HYKK: variants seen among roughly 807,000 people sequenced by gnomAD.
HYKK encodes the protein 5-hydroxy-L-lysine kinase.
A neutral mutation model predicts 29.7 loss-of-function variants in HYKK; 19 were observed. The ratio of observed to expected loss-of-function variants is 0.64; its 90% CI spans 0.45 to 0.94. The LOEUF is 0.94. HYKK is among the 40% of genes least tolerant of loss of function. HYKK has a pLI of 0.00. For synonymous variants in HYKK, 152 were observed against 158.1 expected (o/e 0.96, Z 0.29); for missense variants, 390 against 443.4 (o/e 0.88, Z 1.08).
At chr15:78,530,673 A>G (rs2141364469) in intron 4 of HYKK, among the ~76,000 whole-genome samples, 1 of 150,846 alleles carries the variant, frequency 6.6e-6, no homozygotes, top group Middle Eastern at 3.4e-3. Context: ...ATTTTTTTTT[A>G]TAGCTGGGGC....
rs139309068 is a variant in HYKK, at chr15:78,516,195, C to T, written c.477+1088C>T. ...AACATCTTCATTTATTCAATATTGA[C>T]TGAGTACCTTTTATGTTATTTAAAA... is the stretch of plus-strand genomic sequence containing the variant. On this transcript the variant is annotated intron_variant, in intron 3 of 4. Coordinates refer to ENST00000388988, the MANE Select transcript of HYKK (RefSeq NM_001013619.4). 6.2e-3 allele frequency among the ~76,000 whole-genome samples: 940 copies of T among 151,944 alleles called. 10 individuals carry two copies. The highest frequency in any genetic ancestry group is 0.022 in the African/African-American group (903 of 41,402).
Position 78,513,378 on chromosome 15 carries a change from CTG to C in HYKK, c.296_297del (p.Cys99SerfsTer3). On this transcript the variant is annotated frameshift_variant, in exon 2 of 5. Transcript: ENST00000388988. LOFTEE classifies it high-confidence loss of function. The stretch of plus-strand genomic sequence containing the variant: ...AAAGCCGCTGGATTTCCAACAGCCT[CTG>C]TGTGTCACACTAAAGGAGACAACAC... 6.2e-7 allele frequency: 1 copy of C among 1,614,176 alleles called. No homozygotes were observed. The highest frequency in any genetic ancestry group is 8.5e-7 in the Non-Finnish European group (1 of 1,180,038).
At position 78,533,480 on chromosome 15, in the gene HYKK, G is replaced by A. The variant is rs745500631; in HGVS notation, c.932G>A (p.Ser311Asn). 8 of 1,614,204 alleles carry A rather than the reference G, an allele frequency of 5.0e-6. No individual in the cohort carries two copies. Among genetic ancestry groups the A allele is most frequent in the African/African-American group, 1.3e-5 (1 of 75,056 alleles). The stretch of plus-strand genomic sequence containing the variant: ...GGTGCTTTGTTTTTACTTGTATGCA[G>A]TCGTTTTTGTCAGTCACTTGTCATG... ...EKGALFLLVC[S>N]RFCQSLVMAA... Residue 311 changes from serine (S) to asparagine (N), a missense_variant, in exon 5 of 5, where the codon AGT becomes AAT. Coordinates refer to ENST00000388988, the MANE Select transcript of HYKK (RefSeq NM_001013619.4).
chr15:78,514,614 G>C (rs537613585), intron 2 of HYKK, among the ~76,000 whole-genome samples: 150 of 152,258 alleles, frequency 9.9e-4, no homozygotes, highest in African/African-American at 3.4e-3. Context: ...GAAAGAGTAT[G>C]TGTTTTTGCT....
At chr15:78,513,947 A>G (rs1379762770) in intron 2 of HYKK, among the ~76,000 whole-genome samples, 2 of 151,916 alleles carry the variant, frequency 1.3e-5, no homozygotes, top group African/African-American at 4.8e-5. Flanking sequence ...ATGCATCACC[A>G]CGCCCAGCTA....
chr15:78,519,886 C>T (rs1255774619), intron 3 of HYKK, among the ~76,000 whole-genome samples: 5 of 152,220 alleles, frequency 3.3e-5, no homozygotes, highest in Non-Finnish European at 7.4e-5. Flanking sequence ...TAATAGTTTT[C>T]CTTTACCAGT....
rs761952165 is a variant in HYKK, at chr15:78,533,770, A to G, written c.*100A>G. On this transcript the variant is annotated 3_prime_UTR_variant, in exon 5 of 5. Coordinates refer to ENST00000388988, the MANE Select transcript of HYKK (RefSeq NM_001013619.4). ...GATTTTCCTGCATAGTTAAAAATCAACTGATGGAATGGATCAATTCTGAAT... is the reference window on the plus strand; with the variant it reads ...GATTTTCCTGCATAGTTAAAAATCAGCTGATGGAATGGATCAATTCTGAAT... 64 of 787,614 alleles carry G rather than the reference A, an allele frequency of 8.1e-5. No homozygotes were observed. In the African/African-American group the frequency reaches 9.2e-4, roughly 11 times the overall value. The allele number at this position is 787,614 out of a possible 1,614,324, so 48.8% of individuals were successfully genotyped here. A position where few individuals can be genotyped will look rare whatever the true frequency, so the allele number is the denominator to read the frequency against.
At chr15:78,507,902 G>A (rs774745329) in intron 1 of HYKK, among the ~76,000 whole-genome samples, 96 of 152,326 alleles carry the variant, frequency 6.3e-4, no homozygotes, top group Non-Finnish European at 1.3e-3. Context: ...CAGAATGAAA[G>A]CGTGGCACCC....
intron 1 of HYKK, among the ~76,000 whole-genome samples, chr15:78,509,653 G>A (rs776593252): frequency 6.6e-6 from 1 of 152,116 alleles, no homozygotes; most frequent in Non-Finnish European, 1.5e-5. Context: ...AGTCCATATT[G>A]CATTTTGAAT....
intron 4 of HYKK, among the ~76,000 whole-genome samples, chr15:78,529,995 C>T (rs1211213556): frequency 6.6e-6 from 1 of 151,550 alleles, no homozygotes. Context: ...CACCATCATG[C>T]CTGGTGAATA....
At chr15:78,517,031 A>AG (rs1217908821) in intron 3 of HYKK, among the ~76,000 whole-genome samples, 1 of 151,952 alleles carries the variant, frequency 6.6e-6, no homozygotes, top group African/African-American at 2.4e-5. Context: ...AAAAAAAGAA[A>AG]AAAGAAAGAA....
At chr15:78,512,434 C>T (rs2141352947) in intron 1 of HYKK, among the ~76,000 whole-genome samples, 1 of 138,826 alleles carries the variant, frequency 7.2e-6, no homozygotes, top group East Asian at 2.1e-4. Context: ...TGGAGTCTCG[C>T]CCTGTTGCCC....
chr15:78,513,423 TA>T lies in HYKK; in HGVS notation c.336del (p.Asp113IlefsTer11). On this transcript the variant is annotated frameshift_variant and splice_region_variant, in exon 2 of 5. Coordinates refer to ENST00000388988, the MANE Select transcript of HYKK (RefSeq NM_001013619.4). LOFTEE classifies it high-confidence loss of function. ...GACAACACAGCTTCTCTCGTGTCTG[TA>T]GGTAAGAGATGACCAATTCGCCGAT... ...KGDNTASLVSVDSGSEIKSYL... is the reference protein window; with the variant it reads ...KGDNTASLVSXDSGSEIKSYL... 6.2e-7 allele frequency: 1 copy of T among 1,608,992 alleles called. No individual in the cohort carries two copies. The highest frequency in any genetic ancestry group is 8.5e-7 in the Non-Finnish European group (1 of 1,177,216).
Position 78,510,299 on chromosome 15 carries a change from G to A in HYKK, c.-6+2628G>A, listed in dbSNP as rs186615421. Among the ~76,000 whole-genome samples, 1,102 of 151,824 alleles carry A rather than the reference G, an allele frequency of 7.3e-3. 16 individuals carry two copies. The highest frequency in any genetic ancestry group is 7.7e-3 in the Non-Finnish European group (526 of 67,904). ...TCTGGGTTCCAGTGATTCTCCTGCC[G>A]CAGCCTCCTGAGTAGCTGGAATTAT... is the stretch of plus-strand genomic sequence containing the variant. On this transcript the variant is annotated intron_variant, in intron 1 of 4. Coordinates refer to ENST00000388988, the MANE Select transcript of HYKK (RefSeq NM_001013619.4).
chr15:78,532,856 T>A (rs978135105), intron 4 of HYKK, among the ~76,000 whole-genome samples: 1 of 152,176 alleles, frequency 6.6e-6, no homozygotes, highest in Admixed American at 6.5e-5. Flanking sequence ...TCTGGTCCAT[T>A]CTAGGACTCT....
Position 78,530,857 on chromosome 15 carries a change from G to T in HYKK, c.662-2353G>T, listed in dbSNP as rs560445627. ...TGCACTCAGCTTAAATCCTGTTTTG[G>T]TTTTTTTTGTTTGTTTGTTTTTGTT... On this transcript the variant is annotated intron_variant, in intron 4 of 4. Transcript: ENST00000388988. 3.6e-4 allele frequency among the ~76,000 whole-genome samples: 55 copies of T among 151,338 alleles called. No homozygotes were observed. The East Asian group carries it at 5.7e-3, about 16-fold the overall frequency.
rs2052364539 is a variant in HYKK at position 78,536,478 on chromosome 15, T to G, written c.*2808T>G. The G allele has an allele frequency of 6.6e-6, 1 of 152,220 alleles. No homozygotes were observed. The highest frequency in any genetic ancestry group is 2.4e-5 in the African/African-American group (1 of 41,450). The allele number at this position is 152,220 out of a possible 1,614,324, so 9.4% of individuals were successfully genotyped here. On this transcript the variant is annotated 3_prime_UTR_variant, in exon 5 of 5. Transcript: ENST00000388988. ...GGAACCAGAATAATGGACTGAAACT[T>G]GGGTTTCACTTCCAGACCAGTGTTG...
At chr15:78,512,738 T>C (rs141452895) in intron 1 of HYKK, among the ~76,000 whole-genome samples, 2 of 152,276 alleles carry the variant, frequency 1.3e-5, no homozygotes, top group African/African-American at 4.8e-5. Context: ...AATATGTAAC[T>C]TTGGGCAAGT....
chr15:78,515,210 A>G (rs2052118549), intron 3 of HYKK, 103 bp downstream of exon 3: 7 of 834,360 alleles, frequency 8.4e-6, no homozygotes, highest in Non-Finnish European at 1.1e-5. Context: ...GTATGGTGCT[A>G]CCTAAGGTAT....
Sources: gnomAD v4.1 joint callset for allele counts (sites outside exome capture counted in the v4.1 genomes callset) on GRCh38, gnomAD v4.1.1 for gene constraint, MANE v1.5 for transcripts, NCBI Gene and HGNC (gene_info 2026-07-23, HGNC 2026-07-21) for gene names.